TPRG1: variants seen among roughly 807,000 people sequenced by gnomAD.
TPRG1 encodes tumor protein p63 regulated 1, also known as tumor protein p63-regulated gene 1 protein.
A neutral mutation model predicts 29.3 loss-of-function variants in TPRG1; 29 were observed. The observed-to-expected ratio is 0.99, with a 90% CI of 0.74 to 1.35. TPRG1 has a LOEUF of 1.35. TPRG1 is among the 40% of genes most tolerant of loss of function. The probability of loss-of-function intolerance (pLI) is 0.00; values close to 1 mark genes in which losing one functional copy is unlikely to be tolerated. For synonymous variants in TPRG1, 130 were observed against 116.8 expected, an observed-to-expected ratio of 1.11 and a Z score of -0.73; for missense variants, 327 against 335.0, an observed-to-expected ratio of 0.98 and a Z score of 0.19.
intron 4 of TPRG1, among the ~76,000 whole-genome samples, chr3:189,027,046 A>G (rs1346864683): frequency 2.0e-5 from 3 of 152,216 alleles, no homozygotes; most frequent in African/African-American, 7.2e-5. Flanking sequence ...AGATGAGTCA[A>G]TATCTGTAGG....
chr3:189,115,129 A>G (rs953720136), intron 1 of TPRG1, among the ~76,000 whole-genome samples: 2 of 152,238 alleles, frequency 1.3e-5, no homozygotes, highest in Non-Finnish European at 2.9e-5. Flanking sequence ...GGCAGAGTGT[A>G]TGTGTTCAAT....
intron 3 of TPRG1, among the ~76,000 whole-genome samples, chr3:189,223,236 G>T (rs1737201006): frequency 6.6e-6 from 1 of 152,106 alleles, no homozygotes. Context: ...ATACTAGCAG[G>T]GTCCATCCGT....
intron 3 of TPRG1, among the ~76,000 whole-genome samples, chr3:189,011,274 A>G (rs1209225444): frequency 1.3e-5 from 2 of 152,104 alleles, no homozygotes; most frequent in African/African-American, 4.8e-5. Flanking sequence ...TGAATTTTAA[A>G]ACAGTTTTTC....
intron 2 of TPRG1, among the ~76,000 whole-genome samples, chr3:189,214,567 G>GT (rs1735750748): frequency 6.6e-6 from 1 of 152,166 alleles, no homozygotes; most frequent in Non-Finnish European, 1.5e-5. Flanking sequence ...GGTTCTCTTA[G>GT]TACAGTCTCC....
intron 4 of TPRG1, among the ~76,000 whole-genome samples, chr3:189,066,892 G>A: frequency 6.6e-6 from 1 of 151,930 alleles, no homozygotes; most frequent in Non-Finnish European, 1.5e-5. Flanking sequence ...CCTTCTTTGT[G>A]GATGATACAA....
intron 1 of TPRG1, among the ~76,000 whole-genome samples, chr3:189,101,784 A>T (rs1332615890): frequency 2.7e-5 from 4 of 150,686 alleles, no homozygotes; most frequent in African/African-American, 7.3e-5. Flanking sequence ...TTAATAATAA[A>T]AATAATAATA....
chr3:189,095,051 G>T (rs1718584704), intron 4 of TPRG1, among the ~76,000 whole-genome samples: 1 of 152,132 alleles, frequency 6.6e-6, no homozygotes, highest in Admixed American at 6.5e-5. Context: ...TCACGACTAG[G>T]GTACCAATGC....
At chr3:189,078,622 T>C (rs1034758720) in intron 4 of TPRG1, among the ~76,000 whole-genome samples, 4 of 152,224 alleles carry the variant, frequency 2.6e-5, no homozygotes, top group African/African-American at 9.6e-5. Flanking sequence ...TAAGCTCTTT[T>C]CTCTTGTCAT....
At chr3:189,237,867 C>T (rs1739784015) in intron 3 of TPRG1, among the ~76,000 whole-genome samples, 1 of 152,142 alleles carries the variant, frequency 6.6e-6, no homozygotes, top group Non-Finnish European at 1.5e-5. Flanking sequence ...AAAAACAAAA[C>T]ATGTACCAAA....
intron 3 of TPRG1, among the ~76,000 whole-genome samples, chr3:189,011,062 T>G (rs190563492): frequency 1.3e-5 from 2 of 152,286 alleles, no homozygotes; most frequent in African/African-American, 2.4e-5. Context: ...TTGTTGAAGA[T>G]CAGATGGTTA....
intron 5 of TPRG1, among the ~76,000 whole-genome samples, chr3:189,319,201 G>A (rs1364549320): frequency 6.6e-6 from 1 of 152,036 alleles, no homozygotes; most frequent in East Asian, 1.9e-4. Context: ...TGACTTCTGG[G>A]TCTGTGATTA....
intron 1 of TPRG1, among the ~76,000 whole-genome samples, chr3:189,194,835 C>T (rs975040913): frequency 6.6e-5 from 10 of 152,048 alleles, no homozygotes; most frequent in African/African-American, 9.7e-5. Flanking sequence ...TACCCCAGAA[C>T]GGTGGAGCAT....
intron 4 of TPRG1, among the ~76,000 whole-genome samples, chr3:189,066,585 T>G (rs1239741614): frequency 4.6e-5 from 7 of 151,880 alleles, no homozygotes; most frequent in Non-Finnish European, 8.8e-5. Flanking sequence ...TTTCAATTGA[T>G]GCTGAAAAAG....
intron 4 of TPRG1, among the ~76,000 whole-genome samples, chr3:189,249,212 A>AT (rs1367121503): frequency 1.3e-5 from 2 of 151,628 alleles, no homozygotes; most frequent in African/African-American, 4.8e-5. Context: ...GATAGGATAA[A>AT]TTTTTTTATT....
In TPRG1 at chr3:189,323,341, A is replaced by C. The variant is rs1005541749; in HGVS notation, c.*2521A>C. ...GGATCAATCATGGGAGACCCTGAAAAATTTCCTTACCTTTCCTAAGGTTTA... is the reference window on the plus strand; with the variant it reads ...GGATCAATCATGGGAGACCCTGAAACATTTCCTTACCTTTCCTAAGGTTTA... On this transcript the variant is annotated 3_prime_UTR_variant, in exon 6 of 6. Coordinates refer to ENST00000345063, the MANE Select transcript of TPRG1 (RefSeq NM_198485.4). 5 of 152,094 alleles carry C rather than the reference A, an allele frequency of 3.3e-5. No homozygotes were observed. The highest frequency in any genetic ancestry group is 6.6e-5 in the Admixed American group (1 of 15,246). 9.4% of individuals were successfully genotyped at this position (152,094 alleles called of 1,614,324 possible).
intron 4 of TPRG1, among the ~76,000 whole-genome samples, chr3:189,246,077 C>T (rs757780111): frequency 1.3e-5 from 2 of 152,078 alleles, no homozygotes; most frequent in Non-Finnish European, 1.5e-5. Context: ...CCCCATGTGT[C>T]GTGGGAGGGA....
intron 3 of TPRG1, among the ~76,000 whole-genome samples, chr3:189,229,154 T>C (rs1738251954): frequency 6.6e-6 from 1 of 152,208 alleles, no homozygotes; most frequent in South Asian, 2.1e-4. Flanking sequence ...ACCGGGTTTG[T>C]AGATTGGAAG....
chr3:189,294,154 C>T (rs1719484417), intron 4 of TPRG1, among the ~76,000 whole-genome samples: 1 of 152,114 alleles, frequency 6.6e-6, no homozygotes, highest in Non-Finnish European at 1.5e-5. Flanking sequence ...CTTTTCTCAC[C>T]AGATGGTTAT....
intron 4 of TPRG1, among the ~76,000 whole-genome samples, chr3:189,039,047 G>A (rs1395086445): frequency 6.6e-6 from 1 of 152,226 alleles, no homozygotes. Context: ...ATTCTGGAGG[G>A]CAATCTGTTG....
Sources: gnomAD v4.1 joint callset for allele counts (sites outside exome capture counted in the v4.1 genomes callset) on GRCh38, gnomAD v4.1.1 for gene constraint, MANE v1.5 for transcripts, NCBI Gene and HGNC (gene_info 2026-07-23, HGNC 2026-07-21) for gene names.